Variants in CHCHD6 observed in about 807,000 individuals in gnomAD.
The protein encoded by CHCHD6 is coiled-coil-helix-coiled-coil-helix domain containing 6, also known as MICOS complex subunit MIC25.
In CHCHD6, 28 loss-of-function variants were observed where a neutral mutation model predicts 32.3. That is an observed-to-expected ratio of 0.87 (90% CI 0.64 to 1.19). The LOEUF (loss-of-function observed/expected upper bound fraction) is 1.19. Ranked by LOEUF, CHCHD6 falls within the 50% of genes most tolerant of loss-of-function variation. The pLI is 0.00. For synonymous variants in CHCHD6, 122 were observed against 117.5 expected, an observed-to-expected ratio of 1.04 and a Z score of -0.25; for missense variants, 333 against 307.0, an observed-to-expected ratio of 1.08 and a Z score of -0.63.
intron 5 of CHCHD6, among the ~76,000 whole-genome samples, chr3:126,889,114 C>A (rs574884925): frequency 1.6e-4 from 24 of 152,152 alleles, no homozygotes; most frequent in African/African-American, 5.8e-4. Flanking sequence ...TGTGTTGGGT[C>A]CTTGGAGGTT....
rs944122913 is a variant in CHCHD6, at chr3:126,824,442, T to C, written c.412-28205T>C. Among the ~76,000 whole-genome samples the C allele has an allele frequency of 1.3e-4, 20 of 149,768 alleles. No homozygotes were observed. In the Admixed American group the frequency reaches 1.3e-3, roughly 10 times the overall value. ...TGGGTGTGGTGGTGCGTGCCTGTAA[T>C]CTCAGCTACTCGGGAGACTGAAGCA... On this transcript the variant is annotated intron_variant, in intron 4 of 7. Transcript: ENST00000290913.
At chr3:126,856,465 G>C (rs552081015) in intron 5 of CHCHD6, among the ~76,000 whole-genome samples, 12 of 152,192 alleles carry the variant, frequency 7.9e-5, no homozygotes, top group Non-Finnish European at 1.2e-4. Flanking sequence ...TGAGACCCTC[G>C]ACTGCTTGTG....
chr3:126,765,616 A>G (rs1937337759), intron 4 of CHCHD6, among the ~76,000 whole-genome samples: 1 of 152,248 alleles, frequency 6.6e-6, no homozygotes, highest in African/African-American at 2.4e-5. Context: ...GCTGGTACAG[A>G]AAGGGCTGAT....
chr3:126,883,644 G>C (rs1469669307), intron 5 of CHCHD6, among the ~76,000 whole-genome samples: 1 of 152,176 alleles, frequency 6.6e-6, no homozygotes, highest in African/African-American at 2.4e-5. Flanking sequence ...CGGATTACCA[G>C]CCACGGCCAT....
chr3:126,885,170 C>G (rs944583101), intron 5 of CHCHD6, among the ~76,000 whole-genome samples: 1 of 152,134 alleles, frequency 6.6e-6, no homozygotes, highest in African/African-American at 2.4e-5. Context: ...TTTGAAGGAG[C>G]AAGGAGTTGA....
At position 126,730,647 on chromosome 3, in the gene CHCHD6, G is replaced by T. The variant is rs1343931517; in HGVS notation, c.266+17G>T. The T allele has an allele frequency of 5.0e-6, 8 of 1,610,428 alleles. No homozygotes were observed. In the South Asian group the frequency reaches 6.6e-5, roughly 13 times the overall value. ...TGTCAAGAGGTGAGCCCGAGAGCCT[G>T]CTTGCTCCCGGCACTGCGCTCCGCC... On this transcript the variant is annotated intron_variant, in intron 3 of 7. Transcript: ENST00000290913.
At chr3:126,890,346 A>G (rs1158607928) in intron 5 of CHCHD6, among the ~76,000 whole-genome samples, 1 of 152,164 alleles carries the variant, frequency 6.6e-6, no homozygotes, top group Non-Finnish European at 1.5e-5. Flanking sequence ...TGGTCCCTCA[A>G]GGCTCGGTGA....
chr3:126,740,781 T>C (rs1936259638), intron 4 of CHCHD6, among the ~76,000 whole-genome samples: 1 of 152,212 alleles, frequency 6.6e-6, no homozygotes. Context: ...AACCTGGCCT[T>C]GGTGGTTATA....
intron 5 of CHCHD6, among the ~76,000 whole-genome samples, chr3:126,856,131 A>AAAAC (rs145194013): frequency 1.1e-4 from 17 of 152,156 alleles, no homozygotes; most frequent in African/African-American, 1.7e-4. Context: ...CTAAAAAACA[A>AAAAC]AAACAAACAA....
chr3:126,918,377 C>A (rs2078199795), intron 6 of CHCHD6, among the ~76,000 whole-genome samples: 1 of 152,170 alleles, frequency 6.6e-6, no homozygotes, highest in Non-Finnish European at 1.5e-5. Flanking sequence ...GTATAGAGTG[C>A]CTGCTGTTTG....
At chr3:126,932,681 C>T (rs1006577395) in intron 6 of CHCHD6, among the ~76,000 whole-genome samples, 1 of 152,212 alleles carries the variant, frequency 6.6e-6, no homozygotes, top group East Asian at 1.9e-4. Context: ...TTGGCACTGG[C>T]ACTGGCTCCT....
chr3:126,931,002 G>A (rs147087504), intron 6 of CHCHD6, among the ~76,000 whole-genome samples: 7 of 152,284 alleles, frequency 4.6e-5, no homozygotes, highest in Non-Finnish European at 7.4e-5. Context: ...AGGTCTTCCC[G>A]TCCCGCTGCA....
At chr3:126,902,171 G>A (rs932505975) in intron 5 of CHCHD6, among the ~76,000 whole-genome samples, 1 of 152,206 alleles carries the variant, frequency 6.6e-6, no homozygotes, top group African/African-American at 2.4e-5. Context: ...GCGTCTGTAA[G>A]ACACTGATGC....
chr3:126,780,820 T>A (rs541789673), intron 4 of CHCHD6, among the ~76,000 whole-genome samples: 1 of 152,344 alleles, frequency 6.6e-6, no homozygotes, highest in African/African-American at 2.4e-5. Flanking sequence ...CCATGTATTA[T>A]CTTCCTGCAC....
intron 6 of CHCHD6, among the ~76,000 whole-genome samples, chr3:126,943,203 G>GC (rs1481757125): frequency 2.6e-5 from 4 of 152,000 alleles, no homozygotes; most frequent in African/African-American, 7.2e-5. Flanking sequence ...TCCTAATGAC[G>GC]CCCCCCACTA....
At chr3:126,913,031 A>G (rs1276869700) in intron 5 of CHCHD6, among the ~76,000 whole-genome samples, 2 of 152,042 alleles carry the variant, frequency 1.3e-5, no homozygotes, top group Admixed American at 6.5e-5. Flanking sequence ...TGGTGGGCGG[A>G]GAGAGCCAAG....
chr3:126,766,496 T>C, intron 4 of CHCHD6: 1 of 751,544 alleles, frequency 1.3e-6, no homozygotes. Flanking sequence ...GTCTCACTTT[T>C]GTCTCTTGGT....
chr3:126,804,905 T>C (rs1483559851), intron 4 of CHCHD6, among the ~76,000 whole-genome samples: 1 of 151,490 alleles, frequency 6.6e-6, no homozygotes, highest in Non-Finnish European at 1.5e-5. Flanking sequence ...TATACGCAAA[T>C]CAATAAATGT....
At chr3:126,911,737 G>A (rs998809837) in intron 5 of CHCHD6, among the ~76,000 whole-genome samples, 1 of 152,236 alleles carries the variant, frequency 6.6e-6, no homozygotes, top group South Asian at 2.1e-4. Flanking sequence ...ATTCACCGGG[G>A]CCAGGCTGTT....
Sources: allele counts gnomAD v4.1 joint callset (sites outside exome capture counted in the v4.1 genomes callset), GRCh38; gene constraint gnomAD v4.1.1; transcripts MANE v1.5; gene names NCBI Gene and HGNC (gene_info 2026-07-23, HGNC 2026-07-21).